Variants in ZNF638 observed in about 807,000 individuals in gnomAD.
ZNF638 encodes CTCL tumor antigen se33-1.
ZNF638 carries 46 observed loss-of-function variants against 195.6 expected under a neutral mutation model. The observed-to-expected ratio is 0.24, with a 90% CI of 0.19 to 0.30. The LOEUF is 0.30. Ranked by LOEUF, ZNF638 falls within the 10% of genes least tolerant of loss-of-function variation. ZNF638 has a pLI of 1.00. For missense variants in ZNF638, 2,440 were observed against 2,325.3 expected (o/e 1.05, Z -1.01); for synonymous variants, 845 against 772.0 (o/e 1.09, Z -1.57).
Position 71,368,728 on chromosome 2 carries a change from G to A in ZNF638, c.2142+200G>A, listed in dbSNP as rs181253220. 2.4e-3 allele frequency among the ~76,000 whole-genome samples: 363 copies of A among 152,310 alleles called. 1 individual carries two copies. The highest frequency in any genetic ancestry group is 8.4e-3 in the African/African-American group (351 of 41,584). On this transcript the variant is annotated intron_variant, in intron 7 of 27. Coordinates refer to ENST00000264447, the MANE Select transcript of ZNF638 (RefSeq NM_014497.5). ...AAATAAGTGTTTGCCCACTTTTTCT[G>A]TAAAGGGCCAGCTAAATATTTTTGG...
intron 11 of ZNF638, among the ~76,000 whole-genome samples, chr2:71,398,348 G>A (rs1048263093): frequency 2.9e-4 from 44 of 152,090 alleles, no homozygotes; most frequent in Admixed American, 2.8e-3. Flanking sequence ...TTTTGTGCAT[G>A]AAACAGTTTT....
Position 71,433,224 on chromosome 2 carries a change from T to G in ZNF638, c.5812T>G (p.Ser1938Ala). ...CTGTCCAATTTGTTCCCTCTTCTAC[T>G]CAGGTGAAAAAGCAATGACAAATCA... ...FFCPICSLFYSGEKAMTNHCK... is the reference protein window; with the variant it reads ...FFCPICSLFYAGEKAMTNHCK... Residue 1938 changes from serine (S) to alanine (A), a missense_variant, in exon 27 of 28, where the codon TCA becomes GCA. This residue lies in a region of ZNF638 where 1,883 missense variants were observed against 1,739.1 expected (regional missense o/e 1.08). Coordinates refer to ENST00000264447, the MANE Select transcript of ZNF638 (RefSeq NM_014497.5). 6.2e-7 allele frequency: 1 copy of G among 1,614,168 alleles called. No homozygotes were observed. The highest frequency in any genetic ancestry group is 8.5e-7 in the Non-Finnish European group (1 of 1,180,006).
At chr2:71,346,315 ATATTT>A (rs1022325939) in intron 1 of ZNF638, among the ~76,000 whole-genome samples, 3 of 152,192 alleles carry the variant, frequency 2.0e-5, no homozygotes, top group African/African-American at 7.2e-5. Flanking sequence ...TTTTTGGAAG[ATATTT>A]TATTATGTAG....
Position 71,355,709 on chromosome 2 carries a change from T to A in ZNF638, c.1318-10T>A, listed in dbSNP as rs1396206125. 6.4e-7 allele frequency: 1 copy of A among 1,571,666 alleles called. No individual in the cohort carries two copies. The highest frequency in any genetic ancestry group is 8.7e-7 in the Non-Finnish European group (1 of 1,155,048). ...ATTCTAATTTCAACACTTTTCTCCT[T>A]TTACAATAGGATTGGATTCAGCATC... On this transcript the variant is annotated splice_polypyrimidine_tract_variant and intron_variant, in intron 2 of 27. Coordinates refer to ENST00000264447, the MANE Select transcript of ZNF638 (RefSeq NM_014497.5).
intron 10 of ZNF638, among the ~76,000 whole-genome samples, chr2:71,389,868 C>T (rs2079734444): frequency 6.6e-6 from 1 of 152,156 alleles, no homozygotes. Flanking sequence ...CGACTGCCAA[C>T]AAGCAATGCA....
chr2:71,353,469 T>G (rs989695093), intron 2 of ZNF638, among the ~76,000 whole-genome samples: 3 of 152,210 alleles, frequency 2.0e-5, no homozygotes, highest in African/African-American at 7.2e-5. Context: ...TAGGTAATTA[T>G]CACTTTTTCT....
At chr2:71,418,669 T>C (rs779252507) in intron 21 of ZNF638, 30 bp downstream of exon 21, 8 of 1,478,768 alleles carry the variant, frequency 5.4e-6, no homozygotes, top group Admixed American at 2.1e-5. Context: ...CTAACACTTT[T>C]GTATAGTATT....
At chr2:71,398,800 A>G in intron 12 of ZNF638, 28 bp downstream of exon 12, 2 of 1,548,970 alleles carry the variant, frequency 1.3e-6, no homozygotes. Flanking sequence ...GAGAGATTTT[A>G]TTGTTTATTC....
At chr2:71,334,167 G>T (rs2078622964) in intron 1 of ZNF638, among the ~76,000 whole-genome samples, 1 of 152,140 alleles carries the variant, frequency 6.6e-6, no homozygotes, top group Non-Finnish European at 1.5e-5. Flanking sequence ...TAGATGCTCA[G>T]ATGTTGAGTG....
intron 22 of ZNF638, 56 bp from the exon 23 acceptor site, chr2:71,424,594 C>A: frequency 1.5e-6 from 2 of 1,376,952 alleles, no homozygotes; most frequent in South Asian, 1.3e-5. Flanking sequence ...TTTTCCAGAA[C>A]ATTAATAATA....
intron 3 of ZNF638, among the ~76,000 whole-genome samples, chr2:71,359,479 G>T (rs998002164): frequency 6.6e-6 from 1 of 152,158 alleles, no homozygotes; most frequent in Non-Finnish European, 1.5e-5. Flanking sequence ...AGCCTATGGC[G>T]TGATGCCCGC....
At chr2:71,400,589 C>A in intron 15 of ZNF638, 71 bp downstream of exon 15, 2 of 1,353,654 alleles carry the variant, frequency 1.5e-6, no homozygotes, top group Non-Finnish European at 2.0e-6. Context: ...TTCTTATAAA[C>A]CCAGGTAAAA....
chr2:71,399,766 C>T (rs765180916), intron 13 of ZNF638, 121 bp downstream of exon 13: 59 of 748,136 alleles, frequency 7.9e-5, no homozygotes, highest in Non-Finnish European at 1.1e-4. Context: ...GTTTGTTGTA[C>T]AGGTTATTTC....
chr2:71,381,478 A>G (rs2079533459), intron 10 of ZNF638, among the ~76,000 whole-genome samples: 1 of 152,124 alleles, frequency 6.6e-6, no homozygotes, highest in Admixed American at 6.5e-5. Context: ...TAAATTAGGT[A>G]ACATTATGTG....
At chr2:71,404,145 C>G in intron 17 of ZNF638, 147 bp downstream of exon 17, 1 of 725,614 alleles carries the variant, frequency 1.4e-6, no homozygotes, top group Non-Finnish European at 2.2e-6. Flanking sequence ...CAACAATCAC[C>G]CAGTCACCCA....
chr2:71,370,425 A>G (rs756564877), intron 8 of ZNF638, among the ~76,000 whole-genome samples: 7 of 152,188 alleles, frequency 4.6e-5, no homozygotes, highest in Non-Finnish European at 8.8e-5. Flanking sequence ...ACAAAATCGT[A>G]TAGTGTACAT....
chr2:71,433,258 G>C lies in ZNF638; in HGVS notation c.5846G>C (p.Ser1949Thr). The change falls in exon 27 of 28, where the codon AGT (serine) becomes ACT (threonine). Residue 1949 changes from serine (S) to threonine (T), a missense_variant. Around this residue, in one of 5 missense-constraint regions of ZNF638, gnomAD observed 1,883 missense variants for 1,739.1 expected, o/e 1.08. Transcript: ENST00000264447. Reference sequence around the variant, plus strand: ...AAAGCAATGACAAATCACTGCAAGAGTACACGTCATAAGCAAAATACTGAG... The same window carrying C: ...AAAGCAATGACAAATCACTGCAAGACTACACGTCATAAGCAAAATACTGAG... Reference protein sequence around the residue: ...GEKAMTNHCKSTRHKQNTEKF... With the variant: ...GEKAMTNHCKTTRHKQNTEKF... 1 of 1,613,608 alleles carries C rather than the reference G, an allele frequency of 6.2e-7. No individual in the cohort carries two copies. Among genetic ancestry groups the C allele is most frequent in the Non-Finnish European group, 8.5e-7 (1 of 1,179,600 alleles).
At chr2:71,356,541 G>C (rs2079025684) in intron 3 of ZNF638, among the ~76,000 whole-genome samples, 1 of 152,180 alleles carries the variant, frequency 6.6e-6, no homozygotes, top group Non-Finnish European at 1.5e-5. Flanking sequence ...TGTAATCTGA[G>C]CACTTTGGAA....
chr2:71,388,985 A>G (rs1241983629), intron 10 of ZNF638, among the ~76,000 whole-genome samples: 1 of 152,132 alleles, frequency 6.6e-6, no homozygotes, highest in Non-Finnish European at 1.5e-5. Context: ...ATCTTAAACA[A>G]TACCATAAAC....
Sources: allele counts gnomAD v4.1 joint callset (sites outside exome capture counted in the v4.1 genomes callset), GRCh38; gene constraint gnomAD v4.1.1; regional missense constraint gnomAD v4.1.1; transcripts MANE v1.5; gene names NCBI Gene and HGNC (gene_info 2026-07-23, HGNC 2026-07-21).